Variants in SF3A2 observed in about 807,000 individuals in gnomAD.
SF3A2 encodes the protein splicing factor 3a subunit 2.
Under a neutral mutation model 31.1 loss-of-function variants are expected in SF3A2, and 5 were observed. The ratio of observed to expected loss-of-function variants is 0.16; its 90% CI spans 0.08 to 0.34. The LOEUF (loss-of-function observed/expected upper bound fraction) is 0.34, where lower values mean the gene tolerates loss of function less well. SF3A2 is among the 10% of genes least tolerant of loss of function. The pLI, the probability that SF3A2 is intolerant of heterozygous loss-of-function variation, is 1.00. For synonymous variants in SF3A2, 365 were observed against 263.7 expected, an observed-to-expected ratio of 1.38 and a Z score of -3.72; for missense variants, 577 against 643.9, an observed-to-expected ratio of 0.90 and a Z score of 1.13.
At chr19:2,238,509 C>T (rs1474547612) in intron 1 of SF3A2, among the ~76,000 whole-genome samples, 2 of 152,294 alleles carry the variant, frequency 1.3e-5, no homozygotes, top group Admixed American at 6.5e-5. Flanking sequence ...CCTTCCATAT[C>T]CTGAATGAGT....
At chr19:2,239,839 G>A (rs547433717) in intron 1 of SF3A2, among the ~76,000 whole-genome samples, 9 of 152,070 alleles carry the variant, frequency 5.9e-5, no homozygotes, top group Admixed American at 1.3e-4. Flanking sequence ...TGTTTGGATC[G>A]TCCTGTCTGT....
At chr19:2,243,315 C>T in intron 1 of SF3A2, 67 bp from the exon 2 acceptor site, 1 of 1,339,072 alleles carries the variant, frequency 7.5e-7, no homozygotes, top group Non-Finnish European at 1.0e-6. Flanking sequence ...CCAGCCCGCC[C>T]AGGGAGGTCC....
At chr19:2,239,605 G>A (rs55667813) in intron 1 of SF3A2, among the ~76,000 whole-genome samples, 2,161 of 152,168 alleles carry the variant, frequency 0.014, 54 homozygotes, top group African/African-American at 0.048. Context: ...GGACAGTTTG[G>A]TTCCTTTAGT....
intron 1 of SF3A2, among the ~76,000 whole-genome samples, chr19:2,240,282 C>T (rs548859197): frequency 6.6e-6 from 1 of 152,320 alleles, no homozygotes; most frequent in Non-Finnish European, 1.5e-5. Flanking sequence ...TGATTCAGTC[C>T]CCCCTTTTCA....
In SF3A2 at chr19:2,243,364, T is replaced by G. The variant is rs1356929191; in HGVS notation, c.-37-18T>G. 6.8e-7 allele frequency: 1 copy of G among 1,470,942 alleles called. No individual in the cohort carries two copies. Among genetic ancestry groups the G allele is most frequent in the South Asian group, 1.4e-5 (1 of 70,322 alleles). The allele number at this position is 1,470,942 out of a possible 1,614,324, so 91.1% of individuals were successfully genotyped here. ...GAGTTCTGAGCCATCTTCCTCACTC[T>G]CCTCTTGGCCTCCACAGGTGTCTCC... is the stretch of plus-strand genomic sequence containing the variant. On this transcript the variant is annotated intron_variant, in intron 1 of 8. Transcript: ENST00000221494.
intron 1 of SF3A2, among the ~76,000 whole-genome samples, chr19:2,240,239 C>T (rs901589593): frequency 1.1e-4 from 16 of 152,210 alleles, no homozygotes; most frequent in African/African-American, 3.6e-4. Context: ...GCGGAGGAAC[C>T]GCCAGACTTC....
rs111907128 is a variant in SF3A2 at position 2,247,730 on chromosome 19, C to G, written c.616-37C>G. ...TGGCGGCCCTAGCCCTGCCCTAGCCCCACCCGTGCCTGCTGAACCTTTCTC... is the reference window on the plus strand; with the variant it reads ...TGGCGGCCCTAGCCCTGCCCTAGCCGCACCCGTGCCTGCTGAACCTTTCTC... On this transcript the variant is annotated intron_variant, in intron 8 of 8. Coordinates refer to ENST00000221494, the MANE Select transcript of SF3A2 (RefSeq NM_007165.5). 5,065 of 1,611,480 alleles carry G rather than the reference C, an allele frequency of 3.1e-3. 155 individuals are homozygous for G. The African/African-American group carries it at 0.061, about 19-fold the overall frequency.
intron 1 of SF3A2, among the ~76,000 whole-genome samples, chr19:2,237,135 A>G (rs903953404): frequency 6.6e-6 from 1 of 151,722 alleles, no homozygotes; most frequent in African/African-American, 2.4e-5. Flanking sequence ...TCCTGTTGGG[A>G]GGCCGCGCGC....
rs781114363 is a variant in SF3A2, at chr19:2,246,726, G to A, written c.356-27G>A. On this transcript the variant is annotated intron_variant, in intron 5 of 8. Transcript: ENST00000221494. The surrounding 1 kb of genome is among the most constrained non-coding windows in gnomAD (Gnocchi z 5.5). ...TCAGCTTCGGAGAGGACAAGCAGCCGGGACCTGAGAGCTTTCTGTGTTGCA... is the reference window on the plus strand; with the variant it reads ...TCAGCTTCGGAGAGGACAAGCAGCCAGGACCTGAGAGCTTTCTGTGTTGCA... 10 of 1,613,704 alleles carry A rather than the reference G, an allele frequency of 6.2e-6. No homozygotes were observed. The highest frequency in any genetic ancestry group is 3.3e-5 in the South Asian group (3 of 91,066).
At chr19:2,247,318 C>T in intron 7 of SF3A2, 1 of 558,596 alleles carries the variant, frequency 1.8e-6, no homozygotes, top group East Asian at 3.0e-5. Context: ...GGAGGGCTTC[C>T]TACAGCCTGT....
At chr19:2,242,174 C>T (rs745454634) in intron 1 of SF3A2, among the ~76,000 whole-genome samples, 25 of 151,988 alleles carry the variant, frequency 1.6e-4, no homozygotes, top group Non-Finnish European at 3.4e-4. Context: ...CGTGCCCCTG[C>T]ACACCTGCGG....
In SF3A2 at chr19:2,245,241, G is replaced by A; in HGVS notation, c.246-205G>A. 1.8e-6 allele frequency: 1 copy of A among 548,506 alleles called. No homozygotes were observed. Among genetic ancestry groups the A allele is most frequent in the Non-Finnish European group, 3.2e-6 (1 of 311,480 alleles). 34.0% of individuals were successfully genotyped at this position (548,506 alleles called of 1,614,324 possible). A position where few individuals can be genotyped will look rare whatever the true frequency, so the allele number is the denominator to read the frequency against. ...GAGTTGTTGGAAGGGCCCCAGCCAG[G>A]GACAGTGAGGAGCATGACAGGAAGA... On this transcript the variant is annotated intron_variant, in intron 4 of 8. Transcript: ENST00000221494. This position sits in a 1 kb window ranked among gnomAD's most constrained non-coding sequence, Gnocchi z 4.2.
At chr19:2,247,710 G>A in intron 8 of SF3A2, 48 bp downstream of exon 8, 1 of 1,611,070 alleles carries the variant, frequency 6.2e-7, no homozygotes, top group Non-Finnish European at 8.5e-7. Context: ...AGCCCTGGCG[G>A]CCCTAGCCCT....
In SF3A2 at chr19:2,248,174, C is replaced by T. The variant is rs769127944; in HGVS notation, c.1023C>T (p.Pro341=). The T allele has an allele frequency of 8.4e-5, 122 of 1,459,396 alleles. 2 individuals are homozygous for T. The highest frequency in any genetic ancestry group is 2.5e-4 in the Middle Eastern group (1 of 4,080). 90.4% of individuals were successfully genotyped at this position (1,459,396 alleles called of 1,614,324 possible). ...CTCCTGGAGTCCACCCTCCAGCCCC[C>T]GGGGTTCACCCACCAGCCCCCGGAG... ...PPAPGVHPPA[P]GVHPPAPGVH... is the part of the protein sequence containing the mutation. The change falls in exon 9 of 9, where the codon CCC becomes CCT. Residue 341 remains proline, a synonymous_variant. Coordinates refer to ENST00000221494, the MANE Select transcript of SF3A2 (RefSeq NM_007165.5).
At chr19:2,240,019 C>T (rs569498052) in intron 1 of SF3A2, among the ~76,000 whole-genome samples, 2 of 152,344 alleles carry the variant, frequency 1.3e-5, no homozygotes, top group Admixed American at 6.5e-5. Context: ...AAGAACAAAG[C>T]GGCCGGCAGC....
chr19:2,245,626 C>A lies in SF3A2; in HGVS notation c.355+71C>A. On this transcript the variant is annotated intron_variant, in intron 5 of 8. Transcript: ENST00000221494. The surrounding 1 kb of genome is among the most constrained non-coding windows in gnomAD (Gnocchi z 4.2). ...TAAGTGTGTTCTTTAGTCTCCAGTGCGGGAGGTGCAGCCCTGATAGCCTCC... is the reference window on the plus strand; with the variant it reads ...TAAGTGTGTTCTTTAGTCTCCAGTGAGGGAGGTGCAGCCCTGATAGCCTCC... The A allele has an allele frequency of 8.6e-7, 1 of 1,157,502 alleles. No homozygotes were observed. The highest frequency in any genetic ancestry group is 1.3e-6 in the Non-Finnish European group (1 of 788,950). The allele number at this position is 1,157,502 out of a possible 1,614,324, so 71.7% of individuals were successfully genotyped here.
In SF3A2 at chr19:2,248,277, G is replaced by T; in HGVS notation, c.1126G>T (p.Ala376Ser). 5 of 1,392,666 alleles carry T rather than the reference G, an allele frequency of 3.6e-6. No homozygotes were observed. In the South Asian group the frequency reaches 6.2e-5, roughly 17 times the overall value. The allele number at this position is 1,392,666 out of a possible 1,614,324, so 86.3% of individuals were successfully genotyped here. ...PPPSAGVHPQ[A>S]PGVHPAAPAV... Reference sequence around the variant, plus strand: ...CCCATCAGCGGGGGTTCACCCCCAGGCCCCGGGGGTGCACCCAGCAGCCCC... The same window carrying T: ...CCCATCAGCGGGGGTTCACCCCCAGTCCCCGGGGGTGCACCCAGCAGCCCC... The change falls in exon 9 of 9, where the codon GCC becomes TCC. Residue 376 changes from alanine (A) to serine (S), a missense_variant. By Grantham distance (99) the Ala-to-Ser change is moderately conservative. Coordinates refer to ENST00000221494, the MANE Select transcript of SF3A2 (RefSeq NM_007165.5).
chr19:2,248,162 C>CCCTCCAGCCCCCGGAGTCCAT lies in SF3A2; in HGVS notation c.1025_1026insAGTCCATCCTCCAGCCCCCGG (p.Ala361_Pro367dup). On this transcript the variant is annotated inframe_insertion, in exon 9 of 9. Transcript: ENST00000221494. ...TCCACCCCCCAGCTCCTGGAGTCCA[C>CCCTCCAGCCCCCGGAGTCCAT]CCTCCAGCCCCCGGGGTTCACCCAC... 6.8e-7 allele frequency: 1 copy of CCCTCCAGCCCCCGGAGTCCAT among 1,467,632 alleles called. No individual in the cohort carries two copies. Among genetic ancestry groups the CCCTCCAGCCCCCGGAGTCCAT allele is most frequent in the Non-Finnish European group, 9.2e-7 (1 of 1,084,042 alleles). The allele number at this position is 1,467,632 out of a possible 1,614,324, so 90.9% of individuals were successfully genotyped here.
At chr19:2,243,071 C>T (rs539331136) in intron 1 of SF3A2, among the ~76,000 whole-genome samples, 43 of 152,228 alleles carry the variant, frequency 2.8e-4, no homozygotes, top group African/African-American at 1.0e-3. Context: ...CTCTGGGCTC[C>T]CTATTACAAT....
Sources: gnomAD v4.1 joint callset for allele counts (sites outside exome capture counted in the v4.1 genomes callset) on GRCh38, gnomAD v4.1.1 for gene constraint, Gnocchi (gnomAD v3.1) non-coding constraint, MANE v1.5 for transcripts, NCBI Gene and HGNC (gene_info 2026-07-23, HGNC 2026-07-21) for gene names.